F12: variants seen among roughly 807,000 people sequenced by gnomAD.
F12 encodes Hageman factor.
F12 carries 70 observed loss-of-function variants against 74.8 expected under a neutral mutation model. The observed-to-expected ratio is 0.94, with a 90% CI of 0.77 to 1.14. The LOEUF (loss-of-function observed/expected upper bound fraction) is 1.14, where lower values mean the gene tolerates loss of function less well. Ranked by LOEUF, F12 falls within the 50% of genes most tolerant of loss-of-function variation. F12 has a pLI of 0.00. For missense variants in F12, 811 were observed against 835.7 expected, an observed-to-expected ratio of 0.97 and a Z score of 0.36; for synonymous variants, 373 against 356.4, an observed-to-expected ratio of 1.05 and a Z score of -0.52.
chr5:177,403,137 G>T, intron 12 of F12, 117 bp downstream of exon 12: 1 of 1,382,386 alleles, frequency 7.2e-7, no homozygotes. Flanking sequence ...AACCCATCAG[G>T]TCAGCGCCAC....
At chr5:177,405,695 G>C in intron 4 of F12, 40 bp downstream of exon 4, 2 of 1,593,126 alleles carry the variant, frequency 1.3e-6, no homozygotes, top group Non-Finnish European at 1.7e-6. Context: ...TGAGGCGGGA[G>C]GAGAGAGCCC....
At position 177,405,163 on chromosome 5, in the gene F12, A is replaced by T. The variant is rs1249773664; in HGVS notation, c.420T>A (p.Leu140=). ...CQKEKCFEPQ[L]LRFFHKNEIW... is the part of the protein sequence containing the mutation. Reference sequence around the variant, plus strand: ...TCTCATTCTTGTGGAAAAACCGGAGAAGCTGAGGCTCAAAGCACTTCTCTG... The same window carrying T: ...TCTCATTCTTGTGGAAAAACCGGAGTAGCTGAGGCTCAAAGCACTTCTCTG... Residue 140 remains leucine, a synonymous_variant, in exon 6 of 14, where the codon CTT becomes CTA. Transcript: ENST00000253496. 6.2e-7 allele frequency: 1 copy of T among 1,613,864 alleles called. No individual in the cohort carries two copies. Among genetic ancestry groups the T allele is most frequent in the African/African-American group, 1.3e-5 (1 of 74,938 alleles).
chr5:177,404,206 C>G lies in F12; in HGVS notation c.1008G>C (p.Gln336His). 1.9e-6 allele frequency: 3 copies of G among 1,603,636 alleles called. No homozygotes were observed. The highest frequency in any genetic ancestry group is 2.6e-6 in the Non-Finnish European group (3 of 1,174,364). ...QPTTRTPPQS[Q>H]TPGALPAKRE... ...CCCCCACTTCCTAACCTCCCGGGGT[C>G]TGGGACTGAGGCGGGGTCCGGGTCG... Residue 336 changes from glutamine (Q) to histidine (H), a missense_variant, in exon 9 of 14, where the codon CAG becomes CAC. Physicochemically the swap from Gln to His is conservative, Grantham distance 24. Coordinates refer to ENST00000253496, the MANE Select transcript of F12 (RefSeq NM_000505.4).
chr5:177,403,291 C>G lies in F12; in HGVS notation c.1494G>C (p.Thr498=). ...GGCCCCAGCCGGCCACCTGGCAGAG[C>G]GTGGTCTCGGAGGGTCGCGCGGCGC... ...PSGAARPSET[T]LCQVAGWGHQ... is the part of the protein sequence containing the mutation. Residue 498 remains threonine (T), a synonymous_variant, in exon 12 of 14, where the codon ACG becomes ACC. Transcript: ENST00000253496. The G allele has an allele frequency of 6.2e-7, 1 of 1,600,216 alleles. No homozygotes were observed. The highest frequency in any genetic ancestry group is 2.2e-5 in the East Asian group (1 of 44,864).
At chr5:177,402,965 C>A in intron 12 of F12, 1 of 673,896 alleles carries the variant, frequency 1.5e-6, no homozygotes. Flanking sequence ...CCCACACTAG[C>A]CCGGAGCGCG....
rs573866982 is a variant in F12 at position 177,402,241 on chromosome 5, C to G, written c.*51G>C. ...ACAATCTTGCCTTCCATGCCCCAGC[C>G]ACTCTCTCACTGCGGAATCACCAAG... On this transcript the variant is annotated 3_prime_UTR_variant, in exon 14 of 14. Transcript: ENST00000253496. 3 of 1,606,208 alleles carry G rather than the reference C, an allele frequency of 1.9e-6. No individual in the cohort carries two copies. The highest frequency in any genetic ancestry group is 2.6e-6 in the Non-Finnish European group (3 of 1,176,376).
chr5:177,407,051 T>C (rs1191106878), intron 2 of F12, among the ~76,000 whole-genome samples: 1 of 152,202 alleles, frequency 6.6e-6, no homozygotes, highest in Non-Finnish European at 1.5e-5. Flanking sequence ...GAAGGCTACC[T>C]TAGGGAGAAA....
At chr5:177,406,207 G>T in intron 2 of F12, 146 bp from the exon 3 acceptor site, 2 of 757,230 alleles carry the variant, frequency 2.6e-6, no homozygotes, top group Non-Finnish European at 4.5e-6. Flanking sequence ...TTGGGTTCAG[G>T]GCCGGGCGCG....
Position 177,408,668 on chromosome 5 carries a change from C to G in F12, c.115+378G>C, listed in dbSNP as rs143828820. Among the ~76,000 whole-genome samples the G allele has an allele frequency of 2.5e-3, 382 of 152,342 alleles. 3 individuals carry two copies. The highest frequency in any genetic ancestry group is 8.9e-3 in the African/African-American group (368 of 41,570). ...GCTGGGCTTCAGAGGCATTCAGATG[C>G]CAGAGACAAGCTCTTGATCCTTCCT... is the stretch of plus-strand genomic sequence containing the variant. On this transcript the variant is annotated intron_variant, in intron 2 of 13. Coordinates refer to ENST00000253496, the MANE Select transcript of F12 (RefSeq NM_000505.4).
chr5:177,408,916 C>T (rs1305162522), intron 2 of F12, 130 bp downstream of exon 2: 1 of 877,082 alleles, frequency 1.1e-6, no homozygotes, highest in Non-Finnish European at 1.8e-6. Context: ...AGCTCACGAT[C>T]ACTCTAGTGC....
intron 2 of F12, among the ~76,000 whole-genome samples, 182 bp from the exon 3 acceptor site, chr5:177,406,243 C>T (rs1763287840): frequency 6.6e-6 from 1 of 152,224 alleles, no homozygotes; most frequent in African/African-American, 2.4e-5. Flanking sequence ...AATCCCAGCA[C>T]TTTGGGAGGC....
At position 177,403,583 on chromosome 5, in the gene F12, G is replaced by A. The variant is rs1554097150; in HGVS notation, c.1285C>T (p.Gln429Ter). The change falls in exon 11 of 14, where the codon CAG becomes TAG. Residue 429 changes from glutamine (Q) to a stop codon, truncating the protein, a stop_gained. Transcript: ENST00000253496. LOFTEE classifies it high-confidence loss of function. ...APEDLTVVLG[Q>*]ERRNHSCEPC... ...TCACAGCTGTGGTTACGGCGTTCCT[G>A]GCCGAGCACCACCGTCAGATCCTCG... 6.2e-7 allele frequency: 1 copy of A among 1,605,632 alleles called. No individual in the cohort carries two copies. The highest frequency in any genetic ancestry group is 1.1e-5 in the South Asian group (1 of 90,532).
chr5:177,405,254 A>T, intron 5 of F12, 69 bp from the exon 6 acceptor site: 1 of 1,613,426 alleles, frequency 6.2e-7, no homozygotes, highest in African/African-American at 1.3e-5. Flanking sequence ...GTATCCAGCA[A>T]CCTATTCTGT....
intron 2 of F12, among the ~76,000 whole-genome samples, chr5:177,407,613 T>C (rs1248586685): frequency 6.6e-6 from 1 of 152,114 alleles, no homozygotes; most frequent in African/African-American, 2.4e-5. Flanking sequence ...GGTGAAACCC[T>C]GTCTCTACTA....
chr5:177,407,478 G>A (rs1448144260), intron 2 of F12, among the ~76,000 whole-genome samples: 1 of 152,176 alleles, frequency 6.6e-6, no homozygotes, highest in Non-Finnish European at 1.5e-5. Context: ...ATGGATCTGA[G>A]ATGGACCTTT....
At chr5:177,403,221 T>TCCCCTA in intron 12 of F12, 33 bp downstream of exon 12, 1 of 1,598,544 alleles carries the variant, frequency 6.3e-7, no homozygotes, top group Non-Finnish European at 8.5e-7. Context: ...AAAGGTCTCC[T>TCCCCTA]CCCCTACCCC....
Position 177,402,185 on chromosome 5 carries a change from C to A in F12, c.*107G>T. The A allele has an allele frequency of 7.1e-7, 1 of 1,414,820 alleles. No homozygotes were observed. The highest frequency in any genetic ancestry group is 9.8e-7 in the Non-Finnish European group (1 of 1,025,380). The allele number at this position is 1,414,820 out of a possible 1,614,324, so 87.6% of individuals were successfully genotyped here. On this transcript the variant is annotated 3_prime_UTR_variant, in exon 14 of 14. Coordinates refer to ENST00000253496, the MANE Select transcript of F12 (RefSeq NM_000505.4). ...TTATTGAGTTCCTGCGCCATCCTGG[C>A]GCGGAGCTGGCCGCACTGGGGGAAT... is the stretch of plus-strand genomic sequence containing the variant.
rs1036910936 is a variant in F12 at position 177,403,739 on chromosome 5, C to T, written c.1250+120G>A. On this transcript the variant is annotated intron_variant, in intron 10 of 13. Transcript: ENST00000253496. ...TTCCTCCCCGGGAGCTCCGGAGGGG[C>T]GTGGAAAGAAGGGTGGGGCGGGAGA... 5 of 1,484,628 alleles carry T rather than the reference C, an allele frequency of 3.4e-6. No individual in the cohort carries two copies. In the African/African-American group the frequency reaches 6.9e-5, roughly 21 times the overall value. The allele number at this position is 1,484,628 out of a possible 1,614,324, so 92.0% of individuals were successfully genotyped here.
At position 177,403,267 on chromosome 5, in the gene F12, G is replaced by T. The variant is rs760136384; in HGVS notation, c.1518C>A (p.Gly506=). Residue 506 remains glycine (G), a synonymous_variant, in exon 12 of 14, where the codon GGC becomes GGA. Coordinates refer to ENST00000253496, the MANE Select transcript of F12 (RefSeq NM_000505.4). ...ETTLCQVAGW[G]HQFEGAEEYA... ...AGTTGTGCCTACCCTCGAACTGGTGGCCCCAGCCGGCCACCTGGCAGAGCG... is the reference window on the plus strand; with the variant it reads ...AGTTGTGCCTACCCTCGAACTGGTGTCCCCAGCCGGCCACCTGGCAGAGCG... 9 of 1,600,082 alleles carry T rather than the reference G, an allele frequency of 5.6e-6. No individual in the cohort carries two copies. Among genetic ancestry groups the T allele is most frequent in the Non-Finnish European group, 7.6e-6 (9 of 1,179,788 alleles).
Sources: gnomAD v4.1 joint callset for allele counts (sites outside exome capture counted in the v4.1 genomes callset) on GRCh38, gnomAD v4.1.1 for gene constraint, MANE v1.5 for transcripts, NCBI Gene and HGNC (gene_info 2026-07-23, HGNC 2026-07-21) for gene names.